CHD6: variants seen among roughly 807,000 people sequenced by gnomAD.
CHD6 encodes the protein ATP-dependent chromatin remodeler CHD6.
In CHD6, 50 loss-of-function variants were observed where a neutral mutation model predicts 276.9. The ratio of observed to expected loss-of-function variants is 0.18; its 90% CI spans 0.14 to 0.23. The LOEUF (loss-of-function observed/expected upper bound fraction) is 0.23. Among genes scored for constraint, CHD6 ranks in the 10% least tolerant of loss-of-function variants. The pLI, the probability that CHD6 is intolerant of heterozygous loss-of-function variation, is 1.00. For synonymous variants in CHD6, 1,173 were observed against 1,229.3 expected, an observed-to-expected ratio of 0.95 and a Z score of 0.96; for missense variants, 2,564 against 3,365.8, an observed-to-expected ratio of 0.76 and a Z score of 5.89.
At chr20:41,575,491 A>G (rs781733886) in intron 1 of CHD6, among the ~76,000 whole-genome samples, 8 of 152,208 alleles carry the variant, frequency 5.3e-5, no homozygotes, top group South Asian at 2.1e-4. Flanking sequence ...CCAAGTGAAT[A>G]CCAACTGGCT....
chr20:41,464,818 G>T (rs2042883070), intron 17 of CHD6, among the ~76,000 whole-genome samples: 1 of 152,060 alleles, frequency 6.6e-6, no homozygotes, highest in South Asian at 2.1e-4. Context: ...TTCCAACGTG[G>T]GGGCACGAAA....
At chr20:41,596,049 C>T (rs534168254) in intron 1 of CHD6, among the ~76,000 whole-genome samples, 32 of 152,174 alleles carry the variant, frequency 2.1e-4, no homozygotes, top group Admixed American at 8.5e-4. Flanking sequence ...TTCCCCCACC[C>T]ACCGCTCTGC....
chr20:41,540,450 A>C (rs1422299069), intron 2 of CHD6, among the ~76,000 whole-genome samples: 1 of 152,342 alleles, frequency 6.6e-6, no homozygotes, highest in East Asian at 1.9e-4. Flanking sequence ...TATACATGTA[A>C]TAGAAAAATT....
chr20:41,539,020 G>A (rs1054928226), intron 2 of CHD6, among the ~76,000 whole-genome samples: 1 of 152,102 alleles, frequency 6.6e-6, no homozygotes, highest in African/African-American at 2.4e-5. Context: ...GCCCAGATAC[G>A]CCGCAGTGAC....
intron 1 of CHD6, among the ~76,000 whole-genome samples, chr20:41,600,917 T>C (rs1232881667): frequency 2.0e-5 from 3 of 152,202 alleles, no homozygotes; most frequent in Non-Finnish European, 1.5e-5. Flanking sequence ...AGCCCCACTG[T>C]TGAGGCATAG....
chr20:41,469,954 G>A (rs746810828), intron 17 of CHD6, among the ~76,000 whole-genome samples: 15 of 152,198 alleles, frequency 9.9e-5, no homozygotes, highest in Non-Finnish European at 1.5e-4. Flanking sequence ...AGCAAGAGGA[G>A]GACAGGAGGA....
intron 17 of CHD6, among the ~76,000 whole-genome samples, chr20:41,471,777 C>T (rs182810274): frequency 9.1e-4 from 138 of 152,132 alleles, no homozygotes; most frequent in African/African-American, 3.2e-3. Context: ...CCTTGTGATC[C>T]GCCTGCCTTG....
intron 17 of CHD6, among the ~76,000 whole-genome samples, chr20:41,463,768 C>G (rs1167459864): frequency 1.3e-5 from 2 of 152,296 alleles, no homozygotes. Context: ...GGGGAAATGA[C>G]AGCTATAAAA....
intron 1 of CHD6, among the ~76,000 whole-genome samples, chr20:41,553,875 TAC>T (rs1415099048): frequency 6.6e-6 from 1 of 152,206 alleles, no homozygotes; most frequent in Non-Finnish European, 1.5e-5. Context: ...AAAGGTCAGG[TAC>T]AATGGCTCAC....
chr20:41,530,510 C>T lies in CHD6; in HGVS notation c.554+2540G>A, dbSNP rs137963618. 2.0e-4 allele frequency among the ~76,000 whole-genome samples: 30 copies of T among 152,078 alleles called. No homozygotes were observed. In the East Asian group the frequency reaches 4.1e-3, roughly 21 times the overall value. On this transcript the variant is annotated intron_variant, in intron 3 of 36. Coordinates refer to ENST00000373233, the MANE Select transcript of CHD6 (RefSeq NM_032221.5). ...GAGCCAATCTGCAAGAGTAAATCAA[C>T]GAGAACAAAAAACTAAGGCTTAATT...
intron 1 of CHD6, among the ~76,000 whole-genome samples, chr20:41,564,469 A>G (rs1026197826): frequency 6.6e-6 from 1 of 152,238 alleles, no homozygotes; most frequent in Non-Finnish European, 1.5e-5. Flanking sequence ...CATTCAAGAA[A>G]AGGTAAAATT....
At chr20:41,600,046 C>T (rs1006546583) in intron 1 of CHD6, among the ~76,000 whole-genome samples, 1 of 152,188 alleles carries the variant, frequency 6.6e-6, no homozygotes, top group Non-Finnish European at 1.5e-5. Flanking sequence ...GTAAATGTGC[C>T]TTGCTGAGAA....
At chr20:41,439,095 C>G (rs555591367) in intron 26 of CHD6, among the ~76,000 whole-genome samples, 1 of 152,124 alleles carries the variant, frequency 6.6e-6, no homozygotes, top group Non-Finnish European at 1.5e-5. Flanking sequence ...TGGTGGCTCA[C>G]GCCTGTAATC....
chr20:41,522,392 G>A (rs199978583), intron 3 of CHD6, among the ~76,000 whole-genome samples: 1 of 46,018 alleles, frequency 2.2e-5, no homozygotes, highest in African/African-American at 2.1e-4. Context: ...TGTAACCAAC[G>A]TAGAAAAGAT....
At position 41,484,368 on chromosome 20, in the gene CHD6, A is replaced by G; in HGVS notation, c.2241T>C (p.His747=). 1.2e-6 allele frequency: 2 copies of G among 1,613,720 alleles called. No homozygotes were observed. The highest frequency in any genetic ancestry group is 1.7e-6 in the Non-Finnish European group (2 of 1,179,782). ...CTGACTCACCATTGATCAGGTAGGG[A>G]TGGTTACAGCACTTCCTCAGCTCCA... ...TMMELRKCCN[H]PYLINGAEEK... is the part of the protein sequence containing the mutation. Residue 747 remains histidine, a synonymous_variant, in exon 15 of 37, where the codon CAT becomes CAC. Transcript: ENST00000373233.
At chr20:41,579,129 C>CA (rs58395642) in intron 1 of CHD6, among the ~76,000 whole-genome samples, 620 of 41,914 alleles carry the variant, frequency 0.015, 8 homozygotes, top group Middle Eastern at 0.04. Context: ...GACTCCATCT[C>CA]AAAAAAAAAA....
chr20:41,471,704 T>A (rs1303932908), intron 17 of CHD6, among the ~76,000 whole-genome samples: 1 of 151,972 alleles, frequency 6.6e-6, no homozygotes, highest in African/African-American at 2.4e-5. Context: ...GGCTAATTTT[T>A]TTTTGTATTT....
chr20:41,559,269 A>T (rs888048808), intron 1 of CHD6, among the ~76,000 whole-genome samples: 1 of 152,070 alleles, frequency 6.6e-6, no homozygotes, highest in Non-Finnish European at 1.5e-5. Flanking sequence ...CTTTGAATGG[A>T]AGAATCATTT....
chr20:41,592,726 T>C (rs2045676817), intron 1 of CHD6, among the ~76,000 whole-genome samples: 1 of 152,126 alleles, frequency 6.6e-6, no homozygotes, highest in Non-Finnish European at 1.5e-5. Context: ...AAAAAGGCAA[T>C]GGAACAGCAC....
Sources: gnomAD v4.1 joint callset for allele counts (sites outside exome capture counted in the v4.1 genomes callset) on GRCh38, gnomAD v4.1.1 for gene constraint, MANE v1.5 for transcripts, NCBI Gene and HGNC (gene_info 2026-07-23, HGNC 2026-07-21) for gene names.